NBEA: variants seen among roughly 807,000 people sequenced by gnomAD.
NBEA encodes neurobeachin.
In NBEA, 44 loss-of-function variants were observed where a neutral mutation model predicts 343.4. The ratio of observed to expected loss-of-function variants is 0.13; its 90% CI spans 0.10 to 0.16. The LOEUF (loss-of-function observed/expected upper bound fraction) is 0.16, where lower values mean the gene tolerates loss of function less well. NBEA is among the 10% of genes least tolerant of loss of function. The pLI is 1.00. For missense variants in NBEA, 2,555 were observed against 3,631.3 expected, an observed-to-expected ratio of 0.70 and a Z score of 7.62; for synonymous variants, 1,175 against 1,238.7, an observed-to-expected ratio of 0.95 and a Z score of 1.08.
At chr13:35,459,878 A>G (rs2152951651) in intron 40 of NBEA, among the ~76,000 whole-genome samples, 2 of 152,346 alleles carry the variant, frequency 1.3e-5, no homozygotes, top group African/African-American at 4.8e-5. Context: ...AGTGGCACAG[A>G]AAATTTTGTT....
intron 34 of NBEA, among the ~76,000 whole-genome samples, chr13:35,280,190 A>T (rs1341763784): frequency 6.6e-6 from 1 of 152,104 alleles, no homozygotes; most frequent in African/African-American, 2.4e-5. Flanking sequence ...TTAAACATAT[A>T]TTTTAGCTTA....
intron 11 of NBEA, among the ~76,000 whole-genome samples, chr13:35,107,816 G>T (rs887497589): frequency 2.4e-4 from 36 of 151,982 alleles, no homozygotes; most frequent in African/African-American, 8.0e-4. Flanking sequence ...ACAAACTGGG[G>T]GAGCAACATG....
intron 36 of NBEA, among the ~76,000 whole-genome samples, chr13:35,313,247 G>A (rs1045594945): frequency 2.0e-5 from 3 of 152,026 alleles, no homozygotes; most frequent in African/African-American, 7.2e-5. Flanking sequence ...TAATCCTCTT[G>A]TAACACATAA....
At chr13:35,597,606 T>A (rs1461938284) in intron 47 of NBEA, among the ~76,000 whole-genome samples, 1 of 152,158 alleles carries the variant, frequency 6.6e-6, no homozygotes, top group Non-Finnish European at 1.5e-5. Flanking sequence ...GAGGTAGTAG[T>A]CATTAACCCT....
chr13:35,017,612 T>G (rs1378284821), intron 1 of NBEA, among the ~76,000 whole-genome samples: 1 of 152,216 alleles, frequency 6.6e-6, no homozygotes, highest in Non-Finnish European at 1.5e-5. Flanking sequence ...TATATCTTTT[T>G]TTGAAATATC....
chr13:35,419,353 G>A (rs2044137226), intron 38 of NBEA, among the ~76,000 whole-genome samples: 1 of 152,036 alleles, frequency 6.6e-6, no homozygotes, highest in Non-Finnish European at 1.5e-5. Context: ...GTGACGAACA[G>A]GCTCCCTTGA....
At chr13:35,059,908 A>AT (rs1170889295) in intron 8 of NBEA, among the ~76,000 whole-genome samples, 2 of 151,712 alleles carry the variant, frequency 1.3e-5, no homozygotes, top group Non-Finnish European at 3.0e-5. Context: ...GCTATCATGT[A>AT]TTTTCCATAT....
chr13:35,429,210 A>G lies in NBEA; in HGVS notation c.6180-3059A>G, dbSNP rs571409078. Among the ~76,000 whole-genome samples the G allele has an allele frequency of 4.0e-4, 61 of 152,292 alleles. 2 individuals carry two copies. In the South Asian group the frequency reaches 0.012, roughly 29 times the overall value. The stretch of plus-strand genomic sequence containing the variant: ...GGCACCTTGTTACCAGCCAGCAGAG[A>G]TGAAGTCCTGGCTGTCGACTTGGTG... On this transcript the variant is annotated intron_variant, in intron 38 of 58. Coordinates refer to ENST00000379939, the MANE Select transcript of NBEA (RefSeq NM_001385012.1).
At chr13:35,037,426 G>A (rs1360654282) in intron 1 of NBEA, among the ~76,000 whole-genome samples, 5 of 152,034 alleles carry the variant, frequency 3.3e-5, no homozygotes, top group Non-Finnish European at 7.4e-5. Flanking sequence ...CATTTGGTGA[G>A]GTCATGTTTT....
chr13:35,313,247 G>C (rs1045594945), intron 36 of NBEA, among the ~76,000 whole-genome samples: 2 of 152,026 alleles, frequency 1.3e-5, no homozygotes, highest in Non-Finnish European at 2.9e-5. Context: ...TAATCCTCTT[G>C]TAACACATAA....
intron 41 of NBEA, among the ~76,000 whole-genome samples, chr13:35,522,312 A>G (rs1018672942): frequency 6.6e-6 from 1 of 151,644 alleles, no homozygotes; most frequent in Non-Finnish European, 1.5e-5. Context: ...TACTAAAAAT[A>G]CAAAAATTAG....
intron 31 of NBEA, among the ~76,000 whole-genome samples, chr13:35,206,515 C>A (rs2152749245): frequency 6.6e-6 from 1 of 152,212 alleles, no homozygotes; most frequent in African/African-American, 2.4e-5. Context: ...GTACATCTCA[C>A]ATTATTTTAT....
At chr13:35,454,047 CTAACTCATA>C (rs2152947357) in intron 40 of NBEA, among the ~76,000 whole-genome samples, 1 of 152,240 alleles carries the variant, frequency 6.6e-6, no homozygotes, top group South Asian at 2.1e-4. Context: ...ATACCTGGTC[CTAACTCATA>C]CTCTTCTAGC....
intron 47 of NBEA, among the ~76,000 whole-genome samples, chr13:35,595,438 A>T (rs1022061309): frequency 6.6e-6 from 1 of 151,738 alleles, no homozygotes; most frequent in Admixed American, 6.6e-5. Context: ...TCTTACCACC[A>T]CTCATGAACC....
intron 1 of NBEA, among the ~76,000 whole-genome samples, chr13:35,003,324 C>A (rs915077731): frequency 1.3e-5 from 2 of 152,076 alleles, no homozygotes; most frequent in African/African-American, 4.8e-5. Flanking sequence ...AAGCCATGAT[C>A]ATGCCACTGC....
At chr13:35,052,795 C>G (rs2152564598) in intron 6 of NBEA, among the ~76,000 whole-genome samples, 1 of 152,020 alleles carries the variant, frequency 6.6e-6, no homozygotes. Context: ...GCTCATTAAT[C>G]AGTGCATTTG....
chr13:35,445,448 T>A (rs1402783936), intron 39 of NBEA, among the ~76,000 whole-genome samples: 1 of 152,064 alleles, frequency 6.6e-6, no homozygotes, highest in African/African-American at 2.4e-5. Flanking sequence ...ATTACTCTTC[T>A]ACAAATTTGG....
At chr13:35,190,631 A>G (rs2072116592) in intron 30 of NBEA, among the ~76,000 whole-genome samples, 1 of 152,198 alleles carries the variant, frequency 6.6e-6, no homozygotes, top group South Asian at 2.1e-4. Flanking sequence ...AGGAAAATGA[A>G]TAAACAGAAC....
intron 46 of NBEA, among the ~76,000 whole-genome samples, chr13:35,589,910 A>G (rs541526906): frequency 1.3e-5 from 2 of 152,228 alleles, no homozygotes; most frequent in East Asian, 3.9e-4. Context: ...GGCCATTTAT[A>G]TTGCAGGACC....
Sources: gnomAD v4.1 joint callset for allele counts (sites outside exome capture counted in the v4.1 genomes callset) on GRCh38, gnomAD v4.1.1 for gene constraint, MANE v1.5 for transcripts, NCBI Gene and HGNC (gene_info 2026-07-23, HGNC 2026-07-21) for gene names.